The following AP1M1 variants were observed in gnomAD, a reference collection of about 807,000 sequenced individuals.
AP1M1 encodes adaptor related protein complex 1 subunit mu 1, also known as AP-1 complex subunit mu-1.
AP1M1 carries 18 observed loss-of-function variants against 57.1 expected under a neutral mutation model. That is an observed-to-expected ratio of 0.32 (90% CI 0.22 to 0.47). The LOEUF is 0.47. AP1M1 is among the 20% of genes least tolerant of loss of function. AP1M1 has a pLI of 1.00. For synonymous variants in AP1M1, 241 were observed against 237.9 expected (o/e 1.01, Z -0.12); for missense variants, 362 against 593.5 (o/e 0.61, Z 4.05).
chr19:16,208,999 C>T, intron 4 of AP1M1, 31 bp from the exon 5 acceptor site: 1 of 1,601,322 alleles, frequency 6.2e-7, no homozygotes. Flanking sequence ...GCGGGTACCA[C>T]CTCCTTCACT....
In AP1M1 at chr19:16,228,966, C is replaced by T. The variant is rs1470194023; in HGVS notation, c.1047+38C>T. On this transcript the variant is annotated intron_variant, in intron 9 of 11. Transcript: ENST00000291439. This position sits in a 1 kb window ranked among gnomAD's most constrained non-coding sequence, Gnocchi z 5.0. ...TCCAGACATCCACGTGCCCCCTGCGCCTGTCTCTGCAAGGCAGCCTGGGTG... is the reference window on the plus strand; with the variant it reads ...TCCAGACATCCACGTGCCCCCTGCGTCTGTCTCTGCAAGGCAGCCTGGGTG... 6.2e-7 allele frequency: 1 copy of T among 1,601,490 alleles called. No homozygotes were observed. Among genetic ancestry groups the T allele is most frequent in the Non-Finnish European group, 8.5e-7 (1 of 1,170,550 alleles).
intron 5 of AP1M1, among the ~76,000 whole-genome samples, chr19:16,210,173 T>A (rs140311424): frequency 1.6e-3 from 246 of 152,376 alleles, no homozygotes; most frequent in African/African-American, 5.7e-3. Flanking sequence ...TCTTTGCGAT[T>A]CATCCAAATC....
At chr19:16,226,271 T>A in intron 5 of AP1M1, 150 bp from the exon 6 acceptor site, 1 of 1,166,096 alleles carries the variant, frequency 8.6e-7, no homozygotes, top group Non-Finnish European at 1.2e-6. Flanking sequence ...CAGCTGGGAC[T>A]CTCCCAGCTC....
intron 1 of AP1M1, among the ~76,000 whole-genome samples, chr19:16,201,740 A>C (rs1005540578): frequency 6.6e-6 from 1 of 152,136 alleles, no homozygotes. Flanking sequence ...CTGAGGCTTG[A>C]GAAATGAGAA....
chr19:16,202,480 C>T (rs755404675), intron 1 of AP1M1, among the ~76,000 whole-genome samples: 17 of 152,342 alleles, frequency 1.1e-4, no homozygotes, highest in Admixed American at 2.6e-4. Context: ...CACATTCCAT[C>T]GCCCCCGAAA....
At chr19:16,219,395 TTTG>T (rs1227967830) in intron 5 of AP1M1, among the ~76,000 whole-genome samples, 3 of 82,450 alleles carry the variant, frequency 3.6e-5, no homozygotes, top group East Asian at 3.6e-4. Flanking sequence ...TTTTTGTTTT[TTTG>T]TTTTTTTTTT....
At chr19:16,217,069 G>A (rs184219826) in intron 5 of AP1M1, among the ~76,000 whole-genome samples, 216 of 152,344 alleles carry the variant, frequency 1.4e-3, no homozygotes, top group African/African-American at 5.0e-3. Context: ...CTGTGCACCT[G>A]TTCATTGGTG....
At chr19:16,198,210 GC>G in intron 1 of AP1M1, 142 bp downstream of exon 1, 1 of 794,012 alleles carries the variant, frequency 1.3e-6, no homozygotes, top group South Asian at 2.1e-5. Context: ...TCACCTGAGA[GC>G]CCCATCCTGT....
intron 5 of AP1M1, among the ~76,000 whole-genome samples, chr19:16,218,450 A>C (rs2091528263): frequency 6.6e-6 from 1 of 152,074 alleles, no homozygotes; most frequent in East Asian, 1.9e-4. Flanking sequence ...TGCTAGTTCA[A>C]TTCACCCCCT....
chr19:16,198,397 C>T, intron 1 of AP1M1: 1 of 182,060 alleles, frequency 5.5e-6, no homozygotes, highest in Non-Finnish European at 1.1e-5. Flanking sequence ...CCGCAGCCGG[C>T]CTCGGAGCCA....
intron 9 of AP1M1, among the ~76,000 whole-genome samples, chr19:16,232,798 C>T (rs1035602868): frequency 1.3e-5 from 2 of 152,194 alleles, no homozygotes; most frequent in African/African-American, 2.4e-5. Context: ...GAGCTGAGAT[C>T]GTGCCCCCGA....
At chr19:16,201,316 A>G (rs1229179252) in intron 1 of AP1M1, among the ~76,000 whole-genome samples, 10 of 145,272 alleles carry the variant, frequency 6.9e-5, no homozygotes, top group Admixed American at 6.8e-4. Flanking sequence ...GCACCAGGTG[A>G]TAGGGATAAA....
intron 4 of AP1M1, among the ~76,000 whole-genome samples, chr19:16,208,482 T>C (rs1208549466): frequency 1.3e-5 from 2 of 152,210 alleles, no homozygotes; most frequent in African/African-American, 4.8e-5. Flanking sequence ...TTTGGAATCC[T>C]GCCCTTCAGA....
chr19:16,207,910 G>C lies in AP1M1; in HGVS notation c.268-109G>C. ...CACCACCGAGCCTGGGAAGTAGGCTGTTGGTAGGACTTAGCGGGCAAATGA... is the reference window on the plus strand; with the variant it reads ...CACCACCGAGCCTGGGAAGTAGGCTCTTGGTAGGACTTAGCGGGCAAATGA... On this transcript the variant is annotated intron_variant, in intron 3 of 11. Transcript: ENST00000291439. The surrounding 1 kb of genome is among the most constrained non-coding windows in gnomAD (Gnocchi z 4.2). The C allele has an allele frequency of 7.1e-7, 1 of 1,400,666 alleles. No homozygotes were observed. The highest frequency in any genetic ancestry group is 9.7e-7 in the Non-Finnish European group (1 of 1,026,852). 86.8% of individuals were successfully genotyped at this position (1,400,666 alleles called of 1,614,324 possible).
At chr19:16,208,964 C>T (rs891683761) in intron 4 of AP1M1, 66 bp from the exon 5 acceptor site, 3 of 1,558,378 alleles carry the variant, frequency 1.9e-6, no homozygotes, top group African/African-American at 2.7e-5. Context: ...GCCGAAATGT[C>T]AAGGCCAGAA....
chr19:16,233,757 C>G, intron 10 of AP1M1, 139 bp downstream of exon 10: 1 of 1,214,372 alleles, frequency 8.2e-7, no homozygotes, highest in Non-Finnish European at 1.1e-6. Context: ...TGCCTCCCCA[C>G]AGACAGGGTG....
rs71178661 is a variant in AP1M1, at chr19:16,239,239, C to CTTTTTTTTTTTTTTTT, written c.*4829_*4844dup. 3 of 39,284 alleles carry CTTTTTTTTTTTTTTTT rather than the reference C, an allele frequency of 7.6e-5. 1 individual carries two copies. The highest frequency in any genetic ancestry group is 2.7e-4 in the African/African-American group (3 of 11,282). 2.4% of individuals were successfully genotyped at this position (39,284 alleles called of 1,614,324 possible). Reference sequence around the variant, plus strand: ...TGAGCCACCGCGCCCGGCCAGTTCTCTTTTTTTTTTTTTTTTTTTTTTTTT... The same window carrying CTTTTTTTTTTTTTTTT: ...TGAGCCACCGCGCCCGGCCAGTTCTCTTTTTTTTTTTTTTTTTTTTTTTTTTTTTTTTTTTTTTTTT... On this transcript the variant is annotated 3_prime_UTR_variant, in exon 12 of 12. Transcript: ENST00000291439.
At position 16,233,569 on chromosome 19, in the gene AP1M1, C is replaced by T; in HGVS notation, c.1124C>T (p.Pro375Leu). Reference sequence around the variant, plus strand: ...GCCGAAGACAAGGAGGGCAAGCCCCCGATCAGTGTCAAGTTCGAGATCCCT... The same window carrying T: ...GCCGAAGACAAGGAGGGCAAGCCCCTGATCAGTGTCAAGTTCGAGATCCCT... ...VEAEDKEGKPPISVKFEIPYF... is the reference protein window; with the variant it reads ...VEAEDKEGKPLISVKFEIPYF... The change falls in exon 10 of 12, where the codon CCG becomes CTG. Residue 375 changes from proline to leucine, a missense_variant. Pro to Leu is a moderately conservative substitution (Grantham distance 98). Transcript: ENST00000291439. 6.2e-7 allele frequency: 1 copy of T among 1,609,972 alleles called. No individual in the cohort carries two copies. The highest frequency in any genetic ancestry group is 1.1e-5 in the South Asian group (1 of 90,082).
chr19:16,244,899 T>TGTTGTC lies in AP1M1; in HGVS notation c.*10469_*10470insCGTTGT, dbSNP rs1211009791. On this transcript the variant is annotated 3_prime_UTR_variant, in exon 12 of 12. Transcript: ENST00000291439. ...ATTTGTTGTTTGTTGTTGTTGTTGTTGTTGTTGTTGTTGTTGAGACGGAGT... is the reference window on the plus strand; with the variant it reads ...ATTTGTTGTTTGTTGTTGTTGTTGTTGTTGTCGTTGTTGTTGTTGTTGAGACGGAGT... The TGTTGTC allele has an allele frequency of 2.6e-5, 4 of 152,254 alleles. No individual in the cohort carries two copies. The highest frequency in any genetic ancestry group is 9.7e-5 in the African/African-American group (4 of 41,394). The allele number at this position is 152,254 out of a possible 1,614,324, so 9.4% of individuals were successfully genotyped here. A position where few individuals can be genotyped will look rare whatever the true frequency, so the allele number is the denominator to read the frequency against.
Sources: gnomAD v4.1 joint callset for allele counts (sites outside exome capture counted in the v4.1 genomes callset) on GRCh38, gnomAD v4.1.1 for gene constraint, Gnocchi (gnomAD v3.1) non-coding constraint, MANE v1.5 for transcripts, NCBI Gene and HGNC (gene_info 2026-07-23, HGNC 2026-07-21) for gene names.